Variants in SLC4A11 observed in about 807,000 individuals in gnomAD.
SLC4A11 encodes the protein solute carrier family 4 member 11.
Under a neutral mutation model 95.0 loss-of-function variants are expected in SLC4A11, and 74 were observed. The observed-to-expected ratio is 0.78, with a 90% confidence interval of 0.65 to 0.95. The LOEUF is 0.95. SLC4A11 is among the 40% of genes least tolerant of loss of function. The probability of loss-of-function intolerance (pLI) is 0.00; values close to 1 mark genes in which losing one functional copy is unlikely to be tolerated. For missense variants in SLC4A11, 1,081 were observed against 1,192.4 expected (o/e 0.91, Z 1.38); for synonymous variants, 548 against 519.0 (o/e 1.06, Z -0.76).
At chr20:3,239,511 G>A (rs970489401), upstream of SLC4A11, 21 of 996,394 alleles carry the variant, frequency 2.1e-5, no homozygotes, top group Non-Finnish European at 2.5e-5. Context: ...CTGGGAAAAC[G>A]TTCGACTGCG....
rs2122527578 is a variant in SLC4A11 at position 3,229,757 on chromosome 20, A to T, written c.1509T>A (p.Tyr503Ter). The T allele has an allele frequency of 1.2e-6, 2 of 1,613,936 alleles. No homozygotes were observed. The highest frequency in any genetic ancestry group is 1.7e-6 in the Non-Finnish European group (2 of 1,179,982). ...GTVKIFWKYY[Y>*]GHYLDDYHTK... Reference sequence around the variant, plus strand: ...TGTGATAGTCGTCCAAGTAATGCCCATAGTAGTACTTCCAGAAGACTGTGG... The same window carrying T: ...TGTGATAGTCGTCCAAGTAATGCCCTTAGTAGTACTTCCAGAAGACTGTGG... The change falls in exon 14 of 20, where the codon TAT (tyrosine) becomes TAA (stop). Residue 503 changes from tyrosine (Y) to a stop codon, truncating the protein, a stop_gained. Coordinates refer to ENST00000642402, the MANE Select transcript of SLC4A11 (RefSeq NM_001174089.2). LOFTEE classifies it high-confidence loss of function.
rs146754230 is a variant in SLC4A11 at position 3,230,222 on chromosome 20, G to A, written c.1454C>T (p.Thr485Met). 10 of 1,613,506 alleles carry A rather than the reference G, an allele frequency of 6.2e-6. No homozygotes were observed. Among genetic ancestry groups the A allele is most frequent in the South Asian group, 3.3e-5 (3 of 91,096 alleles). ...GCCCTTGACGGCATCCAGCACAAAC[G>A]TGATGGAAATGAAGAGGGCGATGAT... ...EEIIALFISI[T>M]FVLDAVKGTV... Residue 485 changes from threonine (T) to methionine (M), a missense_variant, in exon 13 of 20, where the codon ACG (threonine) becomes ATG (methionine). Transcript: ENST00000642402.
intron 1 of SLC4A11, chr20:3,237,891 A>G (rs996258064): frequency 6.4e-7 from 1 of 1,550,722 alleles, no homozygotes; most frequent in African/African-American, 1.4e-5. Flanking sequence ...TAGTACCAGT[A>G]CCATGTTCGC....
At chr20:3,235,568 TGGGTAAGGG>T (rs2067956344) in intron 2 of SLC4A11, among the ~76,000 whole-genome samples, 1 of 151,966 alleles carries the variant, frequency 6.6e-6, no homozygotes, top group African/African-American at 2.4e-5. Context: ...CTGGGGGCCC[TGGGTAAGGG>T]CACATGGAGA....
Position 3,234,739 on chromosome 20 carries a change from T to C in SLC4A11, c.241+3A>G. The C allele has an allele frequency of 6.2e-7, 1 of 1,613,848 alleles. No individual in the cohort carries two copies. The highest frequency in any genetic ancestry group is 8.5e-7 in the Non-Finnish European group (1 of 1,179,982). On this transcript the variant is annotated splice_donor_region_variant and intron_variant, in intron 3 of 19. Transcript: ENST00000642402. This position sits in a 1 kb window ranked among gnomAD's most constrained non-coding sequence, Gnocchi z 5.8. ...CAGTCTGCCCCTGCTGCAGCCCCCA[T>C]ACCAGTGTTGGTGGCCTGCATCTCA...
intron 1 of SLC4A11, chr20:3,238,367 G>C (rs1411504614): frequency 3.0e-6 from 3 of 985,272 alleles, no homozygotes; most frequent in Non-Finnish European, 3.6e-6. Context: ...AGACCCCGGG[G>C]GTCGGGGCGC....
chr20:3,230,270 G>A lies in SLC4A11; in HGVS notation c.1416-10C>T. 6.2e-7 allele frequency: 1 copy of A among 1,613,472 alleles called. No individual in the cohort carries two copies. The highest frequency in any genetic ancestry group is 8.5e-7 in the Non-Finnish European group (1 of 1,180,010). On this transcript the variant is annotated splice_polypyrimidine_tract_variant and intron_variant, in intron 12 of 19. Coordinates refer to ENST00000642402, the MANE Select transcript of SLC4A11 (RefSeq NM_001174089.2). ...GATCTCCTCCGTCGACCTGCCAGGA[G>A]GCCATGAGCCTCATCAGAGTGGGTG...
At chr20:3,239,265 T>C, upstream of SLC4A11, 3 of 1,209,284 alleles carry the variant, frequency 2.5e-6, no homozygotes, top group Non-Finnish European at 3.1e-6. Flanking sequence ...GCCTGGGTCC[T>C]AATGCCGCTC....
In SLC4A11 at chr20:3,227,654, C is replaced by G. The variant is rs986524953; in HGVS notation, c.*133G>C. ...GCACCCCTACAATGCCCAGATGCCC[C>G]AGGCCTGAGTCAGCCATGAGAAGGC... On this transcript the variant is annotated 3_prime_UTR_variant, in exon 20 of 20. Coordinates refer to ENST00000642402, the MANE Select transcript of SLC4A11 (RefSeq NM_001174089.2). 1.1e-6 allele frequency: 1 copy of G among 918,768 alleles called. No homozygotes were observed. Among genetic ancestry groups the G allele is most frequent in the African/African-American group, 1.6e-5 (1 of 61,392 alleles). 56.9% of individuals were successfully genotyped at this position (918,768 alleles called of 1,614,324 possible).
rs755844825 is a variant in SLC4A11, at chr20:3,230,720, C to T, written c.1282+12G>A. ...TCTCAGGCACCATCTCCCGCCTCAG[C>T]CCCCACTGCACCCTGGATGTAGAGC... On this transcript the variant is annotated intron_variant, in intron 11 of 19. Transcript: ENST00000642402. 2.3e-5 allele frequency: 37 copies of T among 1,613,100 alleles called. No homozygotes were observed. In the East Asian group the frequency reaches 3.8e-4, roughly 17 times the overall value.
intron 1 of SLC4A11, chr20:3,238,426 T>C (rs1023756254): frequency 3.0e-6 from 3 of 994,042 alleles, no homozygotes; most frequent in Admixed American, 1.3e-4. Flanking sequence ...CATCCTGAAG[T>C]GGGGGGCGGG....
intron 1 of SLC4A11, chr20:3,237,867 T>A: frequency 1.3e-6 from 2 of 1,551,330 alleles, no homozygotes; most frequent in Non-Finnish European, 1.7e-6. Context: ...TCCAGGGATG[T>A]CTTCCCACCG....
At chr20:3,232,710 C>A (rs1163268392) in intron 7 of SLC4A11, among the ~76,000 whole-genome samples, 1 of 152,136 alleles carries the variant, frequency 6.6e-6, no homozygotes, top group Non-Finnish European at 1.5e-5. Flanking sequence ...GAGACTCTGT[C>A]TCAAAGATAA....
At position 3,234,739 on chromosome 20, in the gene SLC4A11, T is replaced by TA; in HGVS notation, c.241+2dup. ...CAGTCTGCCCCTGCTGCAGCCCCCATACCAGTGTTGGTGGCCTGCATCTCA... is the reference window on the plus strand; with the variant it reads ...CAGTCTGCCCCTGCTGCAGCCCCCATAACCAGTGTTGGTGGCCTGCATCTCA... On this transcript the variant is annotated splice_region_variant and intron_variant, in intron 3 of 19. Coordinates refer to ENST00000642402, the MANE Select transcript of SLC4A11 (RefSeq NM_001174089.2). The surrounding 1 kb of genome is among the most constrained non-coding windows in gnomAD (Gnocchi z 5.8). 1.2e-6 allele frequency: 2 copies of TA among 1,613,848 alleles called. No homozygotes were observed. Among genetic ancestry groups the TA allele is most frequent in the South Asian group, 1.1e-5 (1 of 91,072 alleles).
At position 3,230,826 on chromosome 20, in the gene SLC4A11, G is replaced by A. The variant is rs780280857; in HGVS notation, c.1188C>T (p.Ala396=). 2.3e-5 allele frequency: 37 copies of A among 1,613,244 alleles called. No homozygotes were observed. Among genetic ancestry groups the A allele is most frequent in the East Asian group, 6.7e-5 (3 of 44,856 alleles). ...DGAIDVQKTI[A]GQSIGGLLYA... ...AGAGCAGGCCCCCGATGCTCTGCCC[G>A]GCTATGGTCTTCTGCACGTCTGTGG... The change falls in exon 11 of 20, where the codon GCC becomes GCT. Residue 396 remains alanine (A), a synonymous_variant. Coordinates refer to ENST00000642402, the MANE Select transcript of SLC4A11 (RefSeq NM_001174089.2).
chr20:3,237,460 A>T, intron 2 of SLC4A11, 84 bp downstream of exon 2: 1 of 1,392,200 alleles, frequency 7.2e-7, no homozygotes, highest in Non-Finnish European at 1.0e-6. Context: ...AAGCCACAGG[A>T]CTCTGGTGGG....
rs1354804609 is a variant in SLC4A11, at chr20:3,235,303, TCTCTCTCACACACA to T, written c.89-423_89-410del. Among the ~76,000 whole-genome samples, 295 of 114,932 alleles carry T rather than the reference TCTCTCTCACACACA, an allele frequency of 2.6e-3. 1 individual carries two copies. The highest frequency in any genetic ancestry group is 7.0e-3 in the African/African-American group (234 of 33,230). The allele number at this position is 114,932 out of a possible 152,430, so 75.4% of individuals were successfully genotyped here. On this transcript the variant is annotated intron_variant, in intron 2 of 19. Transcript: ENST00000642402. ...ACGTCTCTCTCTCTCTCTCTCTCTCTCTCTCTCACACACACACACACACACACACACACACACAC... is the reference window on the plus strand; with the variant it reads ...ACGTCTCTCTCTCTCTCTCTCTCTCTCACACACACACACACACACACACAC...
chr20:3,233,675 C>T (rs1227344598), intron 6 of SLC4A11, 38 bp from the exon 7 acceptor site: 4 of 1,608,040 alleles, frequency 2.5e-6, no homozygotes, highest in Non-Finnish European at 3.4e-6. Flanking sequence ...ACAGTTGCAC[C>T]CCAGGGAGCT....
At chr20:3,237,830 C>G in intron 1 of SLC4A11, 1 of 1,562,486 alleles carries the variant, frequency 6.4e-7, no homozygotes, top group Non-Finnish European at 8.7e-7. Flanking sequence ...GCTGCCCAGG[C>G]GGGCCAGAGG....
Sources: allele counts gnomAD v4.1 joint callset (sites outside exome capture counted in the v4.1 genomes callset), GRCh38; gene constraint gnomAD v4.1.1; non-coding constraint Gnocchi (gnomAD v3.1); transcripts MANE v1.5; gene names NCBI Gene and HGNC (gene_info 2026-07-23, HGNC 2026-07-21).